Variants in TTC39B observed in about 807,000 individuals in gnomAD.
TTC39B encodes tetratricopeptide repeat domain 39B.
TTC39B carries 92 observed loss-of-function variants against 96.6 expected under a neutral mutation model. The ratio of observed to expected loss-of-function variants is 0.95; its 90% confidence interval spans 0.80 to 1.13. The LOEUF (loss-of-function observed/expected upper bound fraction) is 1.13. TTC39B is among the 50% of genes most tolerant of loss of function. The pLI is 0.00. For missense variants in TTC39B, 955 were observed against 809.3 expected (o/e 1.18, Z -2.18); for synonymous variants, 367 against 299.4 (o/e 1.23, Z -2.33).
Position 15,192,581 on chromosome 9 carries a change from T to G in TTC39B, c.930+9A>C. ...AAAAGTTCTGGTTTCTATACAGTGA[T>G]TTCCTTACCAAATTAAAGGCCCCAC... is the stretch of plus-strand genomic sequence containing the variant. On this transcript the variant is annotated intron_variant, in intron 9 of 19. Transcript: ENST00000512701. 1 of 1,608,182 alleles carries G rather than the reference T, an allele frequency of 6.2e-7. No individual in the cohort carries two copies. Among genetic ancestry groups the G allele is most frequent in the Non-Finnish European group, 8.5e-7 (1 of 1,174,936 alleles).
At chr9:15,266,742 G>C (rs948904089) in intron 2 of TTC39B, among the ~76,000 whole-genome samples, 5 of 152,102 alleles carry the variant, frequency 3.3e-5, no homozygotes, top group African/African-American at 1.2e-4. Flanking sequence ...TTTAAATGAG[G>C]TCAGGAGAGT....
At chr9:15,269,410 TTACCG>T (rs1823252624) in intron 1 of TTC39B, among the ~76,000 whole-genome samples, 1 of 152,216 alleles carries the variant, frequency 6.6e-6, no homozygotes, top group Non-Finnish European at 1.5e-5. Context: ...GCCAAGGGAC[TTACCG>T]TATCACACCT....
chr9:15,306,880 G>C lies in TTC39B; in HGVS notation c.240+204C>G, dbSNP rs1400715350. On this transcript the variant is annotated intron_variant, in intron 1 of 19. Coordinates refer to ENST00000512701, the Ensembl canonical transcript of TTC39B. The surrounding 1 kb of genome is among the most constrained non-coding windows in gnomAD (Gnocchi z 5.1). The stretch of plus-strand genomic sequence containing the variant: ...CGCTCCGAACCTCGGCACTGCGTCC[G>C]CTCCGCGCGCCGCAGGGACCCTCCT... Among the ~76,000 whole-genome samples, 1 of 151,784 alleles carries C rather than the reference G, an allele frequency of 6.6e-6. No individual in the cohort carries two copies. The highest frequency in any genetic ancestry group is 1.5e-5 in the Non-Finnish European group (1 of 67,898).
intron 1 of TTC39B, among the ~76,000 whole-genome samples, chr9:15,285,647 G>T (rs575591915): frequency 3.3e-5 from 5 of 152,184 alleles, no homozygotes; most frequent in Admixed American, 6.5e-5. Flanking sequence ...GAGGTCAGGA[G>T]ATGGAGACCA....
chr9:15,260,814 A>G lies in TTC39B; in HGVS notation c.275+7100T>C, dbSNP rs552766344. On this transcript the variant is annotated intron_variant, in intron 2 of 19. Transcript: ENST00000512701. ...TTATTTCTATTGTAAGCTTCTAATT[A>G]CCTGGCTAAAAAAATCTGCCTATTT... Among the ~76,000 whole-genome samples the G allele has an allele frequency of 1.4e-3, 183 of 130,418 alleles. No homozygotes were observed. In the Middle Eastern group the frequency reaches 0.024, roughly 17 times the overall value. The allele number at this position is 130,418 out of a possible 152,430, so 85.6% of individuals were successfully genotyped here.
Position 15,211,312 on chromosome 9 carries a change from GGATGTCCTGTT to G in TTC39B, c.557_567del (p.Gln186ProfsTer33), listed in dbSNP as rs769839295. On this transcript the variant is annotated frameshift_variant, in exon 5 of 20. Coordinates refer to ENST00000512701, the Ensembl canonical transcript of TTC39B. LOFTEE classifies it high-confidence loss of function. The stretch of plus-strand genomic sequence containing the variant: ...TCCTTCATGGCAGAAATGCCGTTCT[GGATGTCCTGTT>G]GCTCGAAGGTCAGGACAGCCTGCAA... 1 of 1,591,632 alleles carries G rather than the reference GGATGTCCTGTT, an allele frequency of 6.3e-7. No homozygotes were observed. The highest frequency in any genetic ancestry group is 1.4e-5 in the African/African-American group (1 of 73,730).
At position 15,201,034 on chromosome 9, in the gene TTC39B, T is replaced by C. The variant is rs141127415; in HGVS notation, c.760-1109A>G. On this transcript the variant is annotated intron_variant, in intron 7 of 19. Transcript: ENST00000512701. ...TAAAAAGAAGAAAAAAGAAAGATGC[T>C]CTGATATGTATTTCTCGTGTACTTA... Among the ~76,000 whole-genome samples the C allele has an allele frequency of 4.4e-3, 676 of 152,186 alleles. 3 individuals are homozygous for C. Among genetic ancestry groups the C allele is most frequent in the Non-Finnish European group, 7.4e-3 (500 of 68,004 alleles).
chr9:15,190,823 T>A (rs1050795508), intron 10 of TTC39B, among the ~76,000 whole-genome samples, 161 bp from the exon 11 acceptor site: 8 of 152,084 alleles, frequency 5.3e-5, no homozygotes, highest in African/African-American at 1.9e-4. Flanking sequence ...ACCGCAAGAG[T>A]GAACATCATA....
intron 2 of TTC39B, among the ~76,000 whole-genome samples, chr9:15,246,794 G>A (rs957875673): frequency 4.6e-5 from 7 of 152,248 alleles, no homozygotes; most frequent in African/African-American, 1.7e-4. Context: ...TCATAGCAAT[G>A]GCTCCTCCAG....
At chr9:15,163,989 G>T (rs1817475836) in exon 20 of TTC39B, 1 of 152,144 alleles carries the variant, frequency 6.6e-6, no homozygotes. Context: ...ATTGGGAACA[G>T]TTTTTATGTT....
chr9:15,169,648 T>C (rs1817591770), exon 20 of TTC39B: 1 of 152,152 alleles, frequency 6.6e-6, no homozygotes, highest in Non-Finnish European at 1.5e-5. Flanking sequence ...ATCTTGAACA[T>C]AGCAGGAAAC....
At chr9:15,218,350 C>T (rs1318095668) in intron 3 of TTC39B, among the ~76,000 whole-genome samples, 1 of 152,028 alleles carries the variant, frequency 6.6e-6, no homozygotes, top group Non-Finnish European at 1.5e-5. Context: ...CCCTGAGTCC[C>T]TAGGCTCATC....
At chr9:15,165,486 G>A (rs1428630601) in exon 20 of TTC39B, 4 of 152,186 alleles carry the variant, frequency 2.6e-5, no homozygotes, top group African/African-American at 9.7e-5. Context: ...CCTTCAAATT[G>A]ATTAAGACCA....
intron 6 of TTC39B, among the ~76,000 whole-genome samples, chr9:15,208,545 T>C (rs1820008209): frequency 6.6e-6 from 1 of 152,202 alleles, no homozygotes; most frequent in Non-Finnish European, 1.5e-5. Context: ...TAACCCATTT[T>C]AGTGAACTTT....
At chr9:15,198,088 A>G (rs1269530884) in intron 8 of TTC39B, among the ~76,000 whole-genome samples, 2 of 152,200 alleles carry the variant, frequency 1.3e-5, no homozygotes, top group Admixed American at 1.3e-4. Flanking sequence ...AGACTACAAC[A>G]TATAACTGAT....
rs1422212199 is a variant in TTC39B, at chr9:15,202,179, C to T, written c.759+1644G>A. On this transcript the variant is annotated intron_variant, in intron 7 of 19. Transcript: ENST00000512701. The stretch of plus-strand genomic sequence containing the variant: ...TTCAAATCCCCAAATATAAAATAAG[C>T]CTTCAAATCCCAGATTTGATTGCCA... 3.9e-5 allele frequency among the ~76,000 whole-genome samples: 6 copies of T among 152,244 alleles called. No individual in the cohort carries two copies. In the South Asian group the frequency reaches 1.2e-3, roughly 32 times the overall value.
chr9:15,302,259 G>A (rs1824616744), intron 1 of TTC39B, among the ~76,000 whole-genome samples: 1 of 151,532 alleles, frequency 6.6e-6, no homozygotes, highest in Non-Finnish European at 1.5e-5. Context: ...CCGGGAGGCA[G>A]ACGTTACAGT....
intron 2 of TTC39B, among the ~76,000 whole-genome samples, chr9:15,248,431 T>TA (rs147563556): frequency 0.057 from 8,723 of 152,252 alleles, 287 homozygotes; most frequent in South Asian, 0.073. Context: ...ACAAAGTACT[T>TA]ACACTTCTAC....
intron 2 of TTC39B, among the ~76,000 whole-genome samples, chr9:15,260,274 T>C (rs1382836769): frequency 3.8e-5 from 5 of 130,358 alleles, no homozygotes; most frequent in Admixed American, 2.8e-4. Flanking sequence ...AATTCCTCAT[T>C]GTGTTTTTTT....
Sources: gnomAD v4.1 joint callset for allele counts (sites outside exome capture counted in the v4.1 genomes callset) on GRCh38, gnomAD v4.1.1 for gene constraint, Gnocchi (gnomAD v3.1) non-coding constraint, MANE v1.5 for transcripts, NCBI Gene and HGNC (gene_info 2026-07-23, HGNC 2026-07-21) for gene names.